The following ADAMTSL1 variants were observed in gnomAD, a reference collection of about 807,000 sequenced individuals.
ADAMTSL1 encodes the protein ADAMTS-like protein 1.
ADAMTSL1 carries 126 observed loss-of-function variants against 201.8 expected under a neutral mutation model. That is an observed-to-expected ratio of 0.62 (90% CI 0.54 to 0.72). The LOEUF is 0.72. Ranked by LOEUF, ADAMTSL1 falls within the 30% of genes least tolerant of loss-of-function variation. ADAMTSL1 has a pLI of 0.00. For synonymous variants in ADAMTSL1, 1,121 were observed against 903.4 expected, an observed-to-expected ratio of 1.24 and a Z score of -4.32; for missense variants, 2,679 against 2,277.8, an observed-to-expected ratio of 1.18 and a Z score of -3.59.
chr9:18,178,744 G>C lies in ADAMTSL1; in HGVS notation c.207+14763G>C, dbSNP rs545299095. On this transcript the variant is annotated intron_variant, in intron 2 of 29. Transcript: ENST00000680146. ...CCTGACCCCCGAGCAGCCTAACTGG[G>C]AGGCACCCCCAAGCAGGGGCAGACT... Among the ~76,000 whole-genome samples the C allele has an allele frequency of 4.3e-4, 66 of 152,200 alleles. No individual in the cohort carries two copies. The East Asian group carries it at 0.011, about 26-fold the overall frequency.
intron 2 of ADAMTSL1, among the ~76,000 whole-genome samples, chr9:18,270,766 A>G (rs1832327327): frequency 6.6e-6 from 1 of 152,204 alleles, no homozygotes; most frequent in African/African-American, 2.4e-5. Flanking sequence ...TCTTCAGCCA[A>G]GGACCACATT....
chr9:17,937,901 C>T (rs992787551), intron 1 of ADAMTSL1, among the ~76,000 whole-genome samples: 1 of 152,052 alleles, frequency 6.6e-6, no homozygotes, highest in Non-Finnish European at 1.5e-5. Flanking sequence ...ACATGGTACA[C>T]CTGCTTGCTC....
chr9:18,752,486 G>A (rs946729127), intron 15 of ADAMTSL1, among the ~76,000 whole-genome samples: 5 of 152,198 alleles, frequency 3.3e-5, no homozygotes, highest in African/African-American at 7.2e-5. Context: ...TGCTTCTGAC[G>A]TACAGCCTGA....
intron 2 of ADAMTSL1, among the ~76,000 whole-genome samples, chr9:18,245,416 A>C (rs1158395837): frequency 1.3e-5 from 2 of 152,164 alleles, no homozygotes; most frequent in African/African-American, 4.8e-5. Flanking sequence ...GACTAGTCGT[A>C]TTTCAAGTGC....
Position 18,237,722 on chromosome 9 carries a change from A to G in ADAMTSL1, c.207+73741A>G, listed in dbSNP as rs79660292. ...TTGTTGTGCTCTGATGCATTTGAAA[A>G]GATTCTGTAACCTCATTAAATTATC... On this transcript the variant is annotated intron_variant, in intron 2 of 29. Transcript: ENST00000680146. Among the ~76,000 whole-genome samples, 1,035 of 152,346 alleles carry G rather than the reference A, an allele frequency of 6.8e-3. 17 individuals are homozygous for G. The highest frequency in any genetic ancestry group is 0.023 in the African/African-American group (973 of 41,572).
chr9:18,551,280 A>T (rs1474545639), intron 3 of ADAMTSL1, among the ~76,000 whole-genome samples: 1 of 151,870 alleles, frequency 6.6e-6, no homozygotes, highest in Non-Finnish European at 1.5e-5. Flanking sequence ...CAACTTGCTC[A>T]TAATATATTA....
chr9:18,663,417 G>T (rs1829232002), intron 9 of ADAMTSL1, among the ~76,000 whole-genome samples: 1 of 152,120 alleles, frequency 6.6e-6, no homozygotes, highest in Non-Finnish European at 1.5e-5. Context: ...TGAATAAGGT[G>T]TTGAAATTGT....
chr9:18,198,247 A>C (rs1416685137), intron 2 of ADAMTSL1, among the ~76,000 whole-genome samples: 3 of 151,388 alleles, frequency 2.0e-5, no homozygotes, highest in Admixed American at 6.6e-5. Flanking sequence ...CAAAAGCCAA[A>C]ATTGACAAAT....
intron 23 of ADAMTSL1, among the ~76,000 whole-genome samples, chr9:18,879,012 T>C (rs1299142569): frequency 6.6e-6 from 1 of 152,222 alleles, no homozygotes; most frequent in Non-Finnish European, 1.5e-5. Context: ...CCAGCTGCAC[T>C]GCCAGGTTGA....
rs138790109 is a variant in ADAMTSL1, at chr9:18,538,570, A to G, written c.237+5278A>G. On this transcript the variant is annotated intron_variant, in intron 3 of 28. Transcript: ENST00000380548. ...CTAGTTTAGTAACTGGCATGACTAT[A>G]GTGAAAAGATTCATAGCAAGGGATA... Among the ~76,000 whole-genome samples the G allele has an allele frequency of 6.9e-3, 1,044 of 152,250 alleles. 5 individuals carry two copies. Among genetic ancestry groups the G allele is most frequent in the Non-Finnish European group, 0.01 (687 of 68,016 alleles).
At chr9:18,122,224 A>G (rs2131924638) in intron 1 of ADAMTSL1, among the ~76,000 whole-genome samples, 1 of 152,328 alleles carries the variant, frequency 6.6e-6, no homozygotes, top group South Asian at 2.1e-4. Context: ...TTATAAATGC[A>G]TGTTCATAAC....
At chr9:17,908,232 C>A (rs907186720) in intron 1 of ADAMTSL1, among the ~76,000 whole-genome samples, 11 of 152,102 alleles carry the variant, frequency 7.2e-5, no homozygotes, top group African/African-American at 2.7e-4. Flanking sequence ...AGTTGTATTC[C>A]CACCATGCTT....
intron 2 of ADAMTSL1, among the ~76,000 whole-genome samples, chr9:18,239,453 A>G (rs1377525524): frequency 1.3e-5 from 2 of 152,144 alleles, no homozygotes; most frequent in Non-Finnish European, 2.9e-5. Flanking sequence ...GAAACCCACT[A>G]TCTGGCTGGG....
chr9:18,442,710 CTTACAGATTTTTCTTTTATCTT>C (rs1820043286), intron 2 of ADAMTSL1, among the ~76,000 whole-genome samples: 1 of 152,112 alleles, frequency 6.6e-6, no homozygotes, highest in African/African-American at 2.4e-5. Context: ...GGAGAAGAAC[CTTACAGATTTTTCTTTTATCTT>C]TAAACGTTTT....
intron 2 of ADAMTSL1, among the ~76,000 whole-genome samples, chr9:18,235,380 T>A (rs1340508273): frequency 6.6e-6 from 1 of 152,174 alleles, no homozygotes. Context: ...ATACGACTCA[T>A]CATAGATGAT....
intron 15 of ADAMTSL1, among the ~76,000 whole-genome samples, chr9:18,748,796 A>G (rs1819289686): frequency 6.6e-6 from 1 of 152,186 alleles, no homozygotes; most frequent in East Asian, 1.9e-4. Flanking sequence ...GAGCTGCTAT[A>G]TCAAAGTACC....
intron 2 of ADAMTSL1, among the ~76,000 whole-genome samples, chr9:18,298,838 C>T (rs1050596690): frequency 6.6e-6 from 1 of 151,582 alleles, no homozygotes; most frequent in African/African-American, 2.4e-5. Context: ...GGTGAAACCC[C>T]GTCTCTATTA....
intron 1 of ADAMTSL1, among the ~76,000 whole-genome samples, chr9:17,943,999 C>T (rs577573115): frequency 1.3e-5 from 2 of 151,900 alleles, no homozygotes; most frequent in African/African-American, 4.8e-5. Flanking sequence ...TGTGAGAATT[C>T]ACTATCACAA....
intron 2 of ADAMTSL1, among the ~76,000 whole-genome samples, chr9:18,409,136 C>T (rs1199746125): frequency 6.6e-6 from 1 of 152,008 alleles, no homozygotes; most frequent in Non-Finnish European, 1.5e-5. Context: ...GTAATCCCAG[C>T]ACTCCAGGAG....
Sources: allele counts gnomAD v4.1 joint callset (sites outside exome capture counted in the v4.1 genomes callset), GRCh38; gene constraint gnomAD v4.1.1; transcripts MANE v1.5; gene names NCBI Gene and HGNC (gene_info 2026-07-23, HGNC 2026-07-21).